The following RPH3AL variants were observed in gnomAD, a reference collection of about 807,000 sequenced individuals.
The protein encoded by RPH3AL is rab effector Noc2.
A neutral mutation model predicts 43.1 loss-of-function variants in RPH3AL; 38 were observed. The observed-to-expected ratio is 0.88, with a 90% CI of 0.68 to 1.15. RPH3AL has a LOEUF of 1.15. Among genes scored for constraint, RPH3AL ranks in the 50% most tolerant of loss-of-function variants. The pLI is 0.00. For missense variants in RPH3AL, 462 were observed against 423.2 expected, an observed-to-expected ratio of 1.09 and a Z score of -0.81; for synonymous variants, 189 against 176.3, an observed-to-expected ratio of 1.07 and a Z score of -0.57.
chr17:321,085 G>A (rs564999326), intron 4 of RPH3AL, among the ~76,000 whole-genome samples, 187 bp downstream of exon 4: 35 of 152,300 alleles, frequency 2.3e-4, no homozygotes, highest in African/African-American at 7.9e-4. Flanking sequence ...AGGCCTCAGC[G>A]GGCTGGGTTA....
chr17:298,707 A>AC (rs1161683098), intron 5 of RPH3AL, among the ~76,000 whole-genome samples: 1 of 38,110 alleles, frequency 2.6e-5, no homozygotes, highest in African/African-American at 6.5e-5. Flanking sequence ...GTTATCTCAA[A>AC]AAAAAAAAAA....
chr17:322,096 G>A lies in RPH3AL; in HGVS notation c.78-681C>T, dbSNP rs2044498487. 6.6e-6 allele frequency among the ~76,000 whole-genome samples: 1 copy of A among 152,282 alleles called. No homozygotes were observed. The highest frequency in any genetic ancestry group is 2.1e-4 in the South Asian group (1 of 4,824). ...GGCGGGGGGGAAGCGAGTTACAGAA[G>A]AGGAGCCGTGGTGAGGGCAGGTGAG... On this transcript the variant is annotated intron_variant, in intron 3 of 9. Transcript: ENST00000331302. This position sits in a 1 kb window ranked among gnomAD's most constrained non-coding sequence, Gnocchi z 4.0.
At chr17:346,741 C>T (rs2045244117) in intron 1 of RPH3AL, among the ~76,000 whole-genome samples, 1 of 135,856 alleles carries the variant, frequency 7.4e-6, no homozygotes, top group African/African-American at 2.5e-5. Context: ...TAGAAAAACA[C>T]TATTTTGTAA....
Position 270,409 on chromosome 17 carries a change from C to T in RPH3AL, c.438+11359G>A, listed in dbSNP as rs1034270871. ...GGCTAGCACGGCCAGTTCCCACCAGCGGCTGGGCTGGCTGCGGAGTTTGGG... is the reference window on the plus strand; with the variant it reads ...GGCTAGCACGGCCAGTTCCCACCAGTGGCTGGGCTGGCTGCGGAGTTTGGG... On this transcript the variant is annotated intron_variant, in intron 6 of 9. Transcript: ENST00000331302. 9.2e-5 allele frequency among the ~76,000 whole-genome samples: 14 copies of T among 152,322 alleles called. No homozygotes were observed. The South Asian group carries it at 1.5e-3, about 16-fold the overall frequency.
intron 6 of RPH3AL, among the ~76,000 whole-genome samples, chr17:248,905 T>A (rs1379994646): frequency 3.3e-5 from 5 of 152,156 alleles, no homozygotes; most frequent in African/African-American, 1.2e-4. Flanking sequence ...CTCCTTCCTG[T>A]CCCTTCCGCT....
chr17:240,912 G>A (rs2041513798), intron 7 of RPH3AL, among the ~76,000 whole-genome samples: 1 of 151,926 alleles, frequency 6.6e-6, no homozygotes, highest in Admixed American at 6.6e-5. Flanking sequence ...CAAAAAATGA[G>A]CTCGGCGTGT....
intron 5 of RPH3AL, among the ~76,000 whole-genome samples, chr17:297,883 C>A (rs977748161): frequency 6.6e-6 from 1 of 152,162 alleles, no homozygotes; most frequent in Non-Finnish European, 1.5e-5. Flanking sequence ...GACTAGCCAG[C>A]GGACAGGGAG....
rs964382317 is a variant in RPH3AL, at chr17:299,636, C to T, written c.352-17782G>A. ...AATGTCCCAGCGGGAAGCACAGGGG[C>T]GACTGGAGGCCGGTGAAGAATCGCA... On this transcript the variant is annotated intron_variant, in intron 5 of 9. Coordinates refer to ENST00000331302, the MANE Select transcript of RPH3AL (RefSeq NM_006987.4). Among the ~76,000 whole-genome samples the T allele has an allele frequency of 3.9e-5, 6 of 152,212 alleles. No homozygotes were observed. The South Asian group carries it at 8.3e-4, about 21-fold the overall frequency.
rs2045244312 is a variant in RPH3AL at position 346,758 on chromosome 17, A to G, written c.-213+5954T>C. 1.5e-5 allele frequency among the ~76,000 whole-genome samples: 2 copies of G among 136,310 alleles called. 1 individual carries two copies. The highest frequency in any genetic ancestry group is 3.3e-5 in the Non-Finnish European group (2 of 59,782). 89.4% of individuals were successfully genotyped at this position (136,310 alleles called of 152,430 possible). ...GAAAAACACTATTTTGTAAAATATA[A>G]GAAAACAAACAACAGACACTTCACT... On this transcript the variant is annotated intron_variant, in intron 1 of 9. Coordinates refer to ENST00000331302, the MANE Select transcript of RPH3AL (RefSeq NM_006987.4).
rs774601063 is a variant in RPH3AL at position 281,858 on chromosome 17, C to G, written c.352-4G>C. The G allele has an allele frequency of 6.2e-7, 1 of 1,612,714 alleles. No individual in the cohort carries two copies. Among genetic ancestry groups the G allele is most frequent in the African/African-American group, 1.3e-5 (1 of 74,846 alleles). The stretch of plus-strand genomic sequence containing the variant: ...TCCCACATTTGGTGCAGACTTTCTA[C>G]AAGAGAGAGGACATGGGGTTGTAAA... On this transcript the variant is annotated splice_polypyrimidine_tract_variant and splice_region_variant and intron_variant, in intron 5 of 9. Transcript: ENST00000331302.
At chr17:228,886 T>C (rs2041164331) in intron 7 of RPH3AL, among the ~76,000 whole-genome samples, 1 of 152,136 alleles carries the variant, frequency 6.6e-6, no homozygotes, top group Admixed American at 6.5e-5. Flanking sequence ...GGGAGAGAGC[T>C]CTAGTTCACT....
At chr17:321,721 C>G (rs371862308) in intron 3 of RPH3AL, 2 of 350,154 alleles carry the variant, frequency 5.7e-6, no homozygotes, top group Non-Finnish European at 1.0e-5. Context: ...CAGAGACGGC[C>G]CAGGTGCCGT....
chr17:315,380 C>T (rs567258697), intron 5 of RPH3AL, among the ~76,000 whole-genome samples: 5 of 146,548 alleles, frequency 3.4e-5, no homozygotes, highest in African/African-American at 1.0e-4. Context: ...AGTCCCTGTG[C>T]CCCACCTCCA....
At chr17:243,684 A>AC (rs1415074282) in intron 7 of RPH3AL, among the ~76,000 whole-genome samples, 3 of 129,004 alleles carry the variant, frequency 2.3e-5, no homozygotes, top group African/African-American at 5.9e-5. Flanking sequence ...TCTATTGACT[A>AC]CCTTCCTCTA....
At chr17:238,584 G>A (rs914644498) in intron 7 of RPH3AL, among the ~76,000 whole-genome samples, 5 of 152,180 alleles carry the variant, frequency 3.3e-5, no homozygotes, top group Admixed American at 2.0e-4. Context: ...TGACCATGAG[G>A]GAAAGAGAAG....
At chr17:321,618 CAG>C in intron 3 of RPH3AL, 1 of 464,606 alleles carries the variant, frequency 2.2e-6, no homozygotes, top group Non-Finnish European at 3.7e-6. Context: ...CAGGTGGCAA[CAG>C]AGACGGCCCA....
intron 5 of RPH3AL, among the ~76,000 whole-genome samples, chr17:315,164 C>A (rs1555519184): frequency 0.38 from 1,569 of 4,076 alleles, 57 homozygotes; most frequent in Middle Eastern, 0.5. Context: ...AGTCCCTGTG[C>A]CCCCACCTCC....
Position 230,753 on chromosome 17 carries a change from C to T in RPH3AL, c.614-11017G>A, listed in dbSNP as rs76245452. On this transcript the variant is annotated intron_variant, in intron 7 of 9. Coordinates refer to ENST00000331302, the MANE Select transcript of RPH3AL (RefSeq NM_006987.4). ...TTCACTGGGGTGCAGGACGTGCTTT[C>T]GGGTGCATCCTGACTCCAGCCTTTC... Among the ~76,000 whole-genome samples, 1,085 of 152,330 alleles carry T rather than the reference C, an allele frequency of 7.1e-3. 6 individuals are homozygous for T. Among genetic ancestry groups the T allele is most frequent in the Non-Finnish European group, 8.5e-3 (576 of 68,036 alleles).
intron 7 of RPH3AL, among the ~76,000 whole-genome samples, chr17:235,461 G>C (rs369415885): frequency 9.8e-6 from 1 of 102,332 alleles, no homozygotes; most frequent in East Asian, 2.8e-4. Context: ...AGGGTTCAAA[G>C]CTGGGGTCGG....
Sources: gnomAD v4.1 joint callset for allele counts (sites outside exome capture counted in the v4.1 genomes callset) on GRCh38, gnomAD v4.1.1 for gene constraint, Gnocchi (gnomAD v3.1) non-coding constraint, MANE v1.5 for transcripts, NCBI Gene and HGNC (gene_info 2026-07-23, HGNC 2026-07-21) for gene names.